Variants in CARMIL1 observed in about 807,000 individuals in gnomAD.
CARMIL1 encodes capping protein regulator and myosin 1 linker 1.
Under a neutral mutation model 177.1 loss-of-function variants are expected in CARMIL1, and 90 were observed. The ratio of observed to expected loss-of-function variants is 0.51; its 90% confidence interval spans 0.43 to 0.61. The LOEUF (loss-of-function observed/expected upper bound fraction) is 0.61. Among genes scored for constraint, CARMIL1 ranks in the 20% least tolerant of loss-of-function variants. CARMIL1 has a pLI of 0.00. For synonymous variants in CARMIL1, 577 were observed against 606.2 expected (o/e 0.95, Z 0.71); for missense variants, 1,380 against 1,667.0 (o/e 0.83, Z 3.00).
chr6:25,514,273 G>T (rs1805739810), intron 20 of CARMIL1, among the ~76,000 whole-genome samples: 1 of 152,164 alleles, frequency 6.6e-6, no homozygotes, highest in Non-Finnish European at 1.5e-5. Context: ...AAGGCCTGGT[G>T]CGGTGGTTCA....
At chr6:25,378,395 C>T (rs901035212) in intron 2 of CARMIL1, among the ~76,000 whole-genome samples, 2 of 152,218 alleles carry the variant, frequency 1.3e-5, no homozygotes, top group African/African-American at 4.8e-5. Flanking sequence ...GGCTGCAGCA[C>T]ACTTCCCACT....
intron 35 of CARMIL1, among the ~76,000 whole-genome samples, chr6:25,609,137 T>C (rs111578861): frequency 0.023 from 3,481 of 152,202 alleles, 45 homozygotes; most frequent in Middle Eastern, 0.041. Context: ...GTAGATTCTT[T>C]CAATTAGGGT....
chr6:25,442,806 G>A (rs563305284), intron 5 of CARMIL1, among the ~76,000 whole-genome samples: 1 of 152,132 alleles, frequency 6.6e-6, no homozygotes, highest in African/African-American at 2.4e-5. Context: ...AGGTTGGTTC[G>A]CACAGATGTC....
intron 8 of CARMIL1, among the ~76,000 whole-genome samples, chr6:25,463,606 C>A (rs1800310332): frequency 6.6e-6 from 1 of 152,178 alleles, no homozygotes; most frequent in Non-Finnish European, 1.5e-5. Context: ...GACTGCTTTG[C>A]CATCATTCTG....
chr6:25,281,132 GCGCGCACACACACACACA>G (rs1318019477), intron 1 of CARMIL1, among the ~76,000 whole-genome samples: 2 of 99,860 alleles, frequency 2.0e-5, no homozygotes, highest in African/African-American at 3.5e-5. Context: ...GCGTGTGCGC[GCGCGCACACACACACACA>G]CACACACACA....
intron 2 of CARMIL1, among the ~76,000 whole-genome samples, chr6:25,398,450 A>C (rs951597310): frequency 6.6e-6 from 1 of 152,180 alleles, no homozygotes; most frequent in Non-Finnish European, 1.5e-5. Flanking sequence ...AATTCTAGTT[A>C]ATCTGTTTCT....
chr6:25,313,407 C>A (rs1784000771), intron 2 of CARMIL1, among the ~76,000 whole-genome samples: 1 of 152,146 alleles, frequency 6.6e-6, no homozygotes, highest in African/African-American at 2.4e-5. Context: ...TTCCCTGATG[C>A]ACCTTCCCTG....
intron 2 of CARMIL1, among the ~76,000 whole-genome samples, chr6:25,387,042 A>G (rs1233007470): frequency 6.9e-6 from 1 of 144,428 alleles, no homozygotes; most frequent in African/African-American, 2.6e-5. Context: ...AGGCGGGAGA[A>G]TCGTTTGAAC....
At chr6:25,366,028 T>TTGCTCTGC (rs1226846596) in intron 2 of CARMIL1, among the ~76,000 whole-genome samples, 1 of 152,158 alleles carries the variant, frequency 6.6e-6, no homozygotes, top group African/African-American at 2.4e-5. Flanking sequence ...AGACAGTGTC[T>TTGCTCTGC]TGCTCTGTTG....
At chr6:25,513,116 C>T (rs1408281) in intron 20 of CARMIL1, among the ~76,000 whole-genome samples, 66,339 of 151,934 alleles carry the variant, frequency 0.44, 14,883 homozygotes, top group Middle Eastern at 0.52. Flanking sequence ...TGATGCTTGA[C>T]AGCTCGGAGA....
At chr6:25,584,399 A>G (rs912091483) in intron 31 of CARMIL1, among the ~76,000 whole-genome samples, 4 of 145,694 alleles carry the variant, frequency 2.7e-5, no homozygotes, top group Non-Finnish European at 6.0e-5. Context: ...GCAGAGTCCT[A>G]TGTGAGGTGC....
chr6:25,607,510 T>C (rs958176415), intron 35 of CARMIL1, among the ~76,000 whole-genome samples: 1 of 152,164 alleles, frequency 6.6e-6, no homozygotes, highest in Non-Finnish European at 1.5e-5. Flanking sequence ...GTTTGCCAAG[T>C]CACGCAGCTG....
chr6:25,329,810 A>G (rs1245229827), intron 2 of CARMIL1, among the ~76,000 whole-genome samples: 1 of 152,208 alleles, frequency 6.6e-6, no homozygotes, highest in Non-Finnish European at 1.5e-5. Flanking sequence ...AAACAATGAA[A>G]AGATAACAGG....
At chr6:25,284,612 G>A (rs1277037812) in intron 1 of CARMIL1, among the ~76,000 whole-genome samples, 200 bp from the exon 2 acceptor site, 1 of 152,168 alleles carries the variant, frequency 6.6e-6, no homozygotes, top group African/African-American at 2.4e-5. Flanking sequence ...GGGAAGCTGA[G>A]GCAGGAGAAT....
chr6:25,426,519 T>C lies in CARMIL1; in HGVS notation c.208T>C (p.Tyr70His). The change falls in exon 4 of 37, where the codon TAC becomes CAC. Residue 70 changes from tyrosine (Y) to histidine (H), a missense_variant. Coordinates refer to ENST00000329474, the MANE Select transcript of CARMIL1 (RefSeq NM_017640.6). The stretch of plus-strand genomic sequence containing the variant: ...ATTGCAGCTCGAGTTAACCTTCAGC[T>C]ACTTGGAGATTCATGGCGTCGTTTG... ...IPTKLELTFS[Y>H]LEIHGVVCSK... 2 of 1,612,612 alleles carry C rather than the reference T, an allele frequency of 1.2e-6. No individual in the cohort carries two copies. The highest frequency in any genetic ancestry group is 1.7e-6 in the Non-Finnish European group (2 of 1,179,036).
In CARMIL1 at chr6:25,340,788, T is replaced by TTTTTTTTGTTTTTTTG. The variant is rs1554167814; in HGVS notation, c.138+55886_138+55887insGTTTTTTTGTTTTTTT. The stretch of plus-strand genomic sequence containing the variant: ...GGCTGTCAATGAAGGTTTTTTTTTT[T>TTTTTTTTGTTTTTTTG]TTTTTTTTTTTTTTTTAAGTCGTGT... On this transcript the variant is annotated intron_variant, in intron 2 of 36. Coordinates refer to ENST00000329474, the MANE Select transcript of CARMIL1 (RefSeq NM_017640.6). Among the ~76,000 whole-genome samples, 46 of 146,908 alleles carry TTTTTTTTGTTTTTTTG rather than the reference T, an allele frequency of 3.1e-4. 1 individual carries two copies. The highest frequency in any genetic ancestry group is 1.3e-3 in the Admixed American group (19 of 14,662).
intron 2 of CARMIL1, among the ~76,000 whole-genome samples, chr6:25,290,631 TA>T (rs1296656960): frequency 6.6e-6 from 1 of 152,126 alleles, no homozygotes; most frequent in Non-Finnish European, 1.5e-5. Flanking sequence ...ACACCCTTTG[TA>T]AAATGGGTCA....
chr6:25,599,214 C>T (rs1295322782), intron 32 of CARMIL1, among the ~76,000 whole-genome samples: 1 of 152,200 alleles, frequency 6.6e-6, no homozygotes, highest in East Asian at 1.9e-4. Context: ...CTTCCACTTG[C>T]AGAGGTGCCC....
chr6:25,321,092 A>G lies in CARMIL1; in HGVS notation c.138+36183A>G, dbSNP rs535008578. On this transcript the variant is annotated intron_variant, in intron 2 of 36. Coordinates refer to ENST00000329474, the MANE Select transcript of CARMIL1 (RefSeq NM_017640.6). ...CCCACACATCCAGAATTCTCCACCC[A>G]TTGGTTGTCTGGCCTCTGCCTGAAT... 4.2e-3 allele frequency among the ~76,000 whole-genome samples: 427 copies of G among 100,852 alleles called. 1 individual carries two copies. The highest frequency in any genetic ancestry group is 6.2e-3 in the Non-Finnish European group (333 of 53,870). 66.2% of individuals were successfully genotyped at this position (100,852 alleles called of 152,430 possible).
Sources: gnomAD v4.1 joint callset for allele counts (sites outside exome capture counted in the v4.1 genomes callset) on GRCh38, gnomAD v4.1.1 for gene constraint, MANE v1.5 for transcripts, NCBI Gene and HGNC (gene_info 2026-07-23, HGNC 2026-07-21) for gene names.